LRSAM1: variants seen among roughly 807,000 people sequenced by gnomAD.
LRSAM1 encodes E3 ubiquitin-protein ligase LRSAM1.
Under a neutral mutation model 118.1 loss-of-function variants are expected in LRSAM1, and 96 were observed. The ratio of observed to expected loss-of-function variants is 0.81; its 90% CI spans 0.69 to 0.96. LRSAM1 has a LOEUF of 0.96. Among genes scored for constraint, LRSAM1 ranks in the 40% least tolerant of loss-of-function variants. The pLI, the probability that LRSAM1 is intolerant of heterozygous loss-of-function variation, is 0.00. For synonymous variants in LRSAM1, 322 were observed against 364.2 expected, an observed-to-expected ratio of 0.88 and a Z score of 1.32; for missense variants, 804 against 915.5, an observed-to-expected ratio of 0.88 and a Z score of 1.57.
In LRSAM1 at chr9:127,451,667, A is replaced by C; in HGVS notation, c.-191A>C. 1 of 345,936 alleles carries C rather than the reference A, an allele frequency of 2.9e-6. No homozygotes were observed. The highest frequency in any genetic ancestry group is 5.5e-6 in the Non-Finnish European group (1 of 182,678). The allele number at this position is 345,936 out of a possible 1,614,324, so 21.4% of individuals were successfully genotyped here. A position where few individuals can be genotyped will look rare whatever the true frequency, so the allele number is the denominator to read the frequency against. On this transcript the variant is annotated splice_region_variant and 5_prime_UTR_variant, in exon 1 of 26. Transcript: ENST00000300417. ...CCCTAGCTGTTTCCCATATTCCTTT[A>C]TCGTGAGTGTCACCCCGGTCCCCGT...
intron 11 of LRSAM1, among the ~76,000 whole-genome samples, chr9:127,474,853 G>A (rs571849035): frequency 5.3e-5 from 8 of 152,076 alleles, no homozygotes; most frequent in East Asian, 1.9e-4. Flanking sequence ...ATTAGCCTGC[G>A]TGCCCCCTCT....
Position 127,478,939 on chromosome 9 carries a change from G to T in LRSAM1, c.756G>T (p.Arg252Ser), listed in dbSNP as rs763793736. The T allele has an allele frequency of 1.2e-6, 2 of 1,613,958 alleles. No homozygotes were observed. Among genetic ancestry groups the T allele is most frequent in the Middle Eastern group, 1.6e-4 (1 of 6,078 alleles). The change falls in exon 12 of 26, where the codon AGG (arginine) becomes AGT (serine). Residue 252 changes from arginine (R) to serine (S), a missense_variant. Transcript: ENST00000300417. ...CTGTCTTTTTTTCCTCCCAGAACAG[G>T]TTCTCAGACTATGAGAAGAGGAAGG... The part of the protein sequence containing the change: ...FSREELEWQN[R>S]FSDYEKRKEQ...
chr9:127,452,438 G>T (rs1038587934), intron 2 of LRSAM1: 1 of 152,330 alleles, frequency 6.6e-6, no homozygotes, highest in Non-Finnish European at 1.5e-5. Flanking sequence ...CCGCCCCCGT[G>T]GGTGCAGAGC....
At chr9:127,494,052 G>A (rs1039944678) in intron 21 of LRSAM1, among the ~76,000 whole-genome samples, 1 of 152,262 alleles carries the variant, frequency 6.6e-6, no homozygotes, top group Non-Finnish European at 1.5e-5. Flanking sequence ...CTTTGCAGAT[G>A]GTGCCTTGGC....
chr9:127,479,759 C>G (rs1016862330), intron 13 of LRSAM1, 80 bp from the exon 14 acceptor site: 70 of 1,558,104 alleles, frequency 4.5e-5, no homozygotes, highest in Non-Finnish European at 5.8e-5. Flanking sequence ...GTGGGAAAGC[C>G]AGCCTCCTAA....
At chr9:127,470,488 G>T (rs144234592) in intron 10 of LRSAM1, among the ~76,000 whole-genome samples, 2 of 152,174 alleles carry the variant, frequency 1.3e-5, no homozygotes, top group South Asian at 4.1e-4. Flanking sequence ...CAGAGATTGA[G>T]GTGGGGACAC....
intron 24 of LRSAM1, among the ~76,000 whole-genome samples, chr9:127,498,621 G>A (rs1836246711): frequency 6.6e-6 from 1 of 152,358 alleles, no homozygotes; most frequent in Admixed American, 6.5e-5. Flanking sequence ...GGATGCCTGG[G>A]CTGCTCAGGG....
intron 8 of LRSAM1, 115 bp downstream of exon 8, chr9:127,461,372 G>A (rs753337691): frequency 8.3e-5 from 70 of 848,442 alleles, no homozygotes; most frequent in African/African-American, 1.3e-4. Context: ...GCCAGTCTCC[G>A]GGGGTCGCTG....
chr9:127,463,047 A>G (rs1324754210), intron 9 of LRSAM1, among the ~76,000 whole-genome samples: 1 of 151,670 alleles, frequency 6.6e-6, no homozygotes, highest in Non-Finnish European at 1.5e-5. Flanking sequence ...AATACAAGAA[A>G]TTATCCAGGC....
chr9:127,478,048 G>A (rs565458521), intron 11 of LRSAM1, among the ~76,000 whole-genome samples: 84 of 130,118 alleles, frequency 6.5e-4, no homozygotes, highest in Non-Finnish European at 6.7e-4. Flanking sequence ...GCAAAACTCC[G>A]TCTCAAAAAA....
intron 11 of LRSAM1, among the ~76,000 whole-genome samples, chr9:127,474,821 G>A (rs942678820): frequency 6.6e-6 from 1 of 152,136 alleles, no homozygotes; most frequent in African/African-American, 2.4e-5. Flanking sequence ...ACACAGAGGA[G>A]GAAGCTCAAA....
chr9:127,483,222 G>C (rs1835605253), intron 16 of LRSAM1, among the ~76,000 whole-genome samples: 1 of 152,172 alleles, frequency 6.6e-6, no homozygotes, highest in African/African-American at 2.4e-5. Context: ...CCCACCATGT[G>C]ACCTTAGGGA....
At chr9:127,457,497 A>G in intron 6 of LRSAM1, 104 bp downstream of exon 6, 3 of 997,736 alleles carry the variant, frequency 3.0e-6, no homozygotes. Context: ...AGAGGGGCCC[A>G]ATCTACCAGT....
intron 2 of LRSAM1, 100 bp from the exon 3 acceptor site, chr9:127,454,396 C>A: frequency 1.1e-6 from 1 of 889,852 alleles, no homozygotes; most frequent in Non-Finnish European, 1.8e-6. Context: ...ACTCATGGTC[C>A]AGCAGACCAG....
intron 19 of LRSAM1, 104 bp downstream of exon 19, chr9:127,489,622 T>C: frequency 7.8e-7 from 1 of 1,281,038 alleles, no homozygotes; most frequent in Non-Finnish European, 1.1e-6. Flanking sequence ...CCCCAGCTCC[T>C]TGGCTTGCTA....
At chr9:127,500,093 G>A (rs1431874464) in intron 24 of LRSAM1, among the ~76,000 whole-genome samples, 1 of 150,946 alleles carries the variant, frequency 6.6e-6, no homozygotes, top group African/African-American at 2.4e-5. Context: ...GGGCACGTTG[G>A]CTCACGCCTG....
At chr9:127,484,088 C>A (rs754358178) in intron 16 of LRSAM1, among the ~76,000 whole-genome samples, 14 of 152,246 alleles carry the variant, frequency 9.2e-5, no homozygotes, top group Non-Finnish European at 1.8e-4. Context: ...CCCGTGCCCC[C>A]CTCCCCTCAG....
At chr9:127,494,950 T>G (rs543263976) in intron 21 of LRSAM1, among the ~76,000 whole-genome samples, 211 of 152,286 alleles carry the variant, frequency 1.4e-3, no homozygotes, top group African/African-American at 4.8e-3. Flanking sequence ...ATTTTGGTTT[T>G]GTTTTGTTTT....
chr9:127,466,489 TATATATATATATATA>T (rs1414040347), intron 9 of LRSAM1, among the ~76,000 whole-genome samples: 33 of 13,024 alleles, frequency 2.5e-3, no homozygotes, highest in African/African-American at 7.9e-3. Context: ...TATATATATA[TATATATATATATATA>T]TTTTTTTTTT....
Sources: allele counts gnomAD v4.1 joint callset (sites outside exome capture counted in the v4.1 genomes callset), GRCh38; gene constraint gnomAD v4.1.1; transcripts MANE v1.5; gene names NCBI Gene and HGNC (gene_info 2026-07-23, HGNC 2026-07-21).